The following RPS6KC1 variants were observed in gnomAD, a reference collection of about 807,000 sequenced individuals.
RPS6KC1 encodes ribosomal protein S6 kinase C1.
Under a neutral mutation model 103.8 loss-of-function variants are expected in RPS6KC1, and 54 were observed. That is an observed-to-expected ratio of 0.52 (90% confidence interval 0.42 to 0.65). The LOEUF is 0.65. RPS6KC1 is among the 30% of genes least tolerant of loss of function. RPS6KC1 has a pLI of 0.00. For synonymous variants in RPS6KC1, 439 were observed against 438.7 expected (o/e 1.00, Z -0.01); for missense variants, 1,151 against 1,253.8 (o/e 0.92, Z 1.24).
chr1:213,715,364 A>G, the RPS6KC1 span, among the ~76,000 whole-genome samples: 1 of 152,238 alleles, frequency 6.6e-6, no homozygotes, highest in Non-Finnish European at 1.5e-5. Context: ...GGGTAAGACC[A>G]TCTTTCTGTC....
At chr1:213,483,550 C>T in the RPS6KC1 span, among the ~76,000 whole-genome samples, 1 of 152,208 alleles carries the variant, frequency 6.6e-6, no homozygotes, top group Non-Finnish European at 1.5e-5. Context: ...TTGTAAGACA[C>T]TGCCAAACTT....
chr1:213,727,138 G>T, the RPS6KC1 span, among the ~76,000 whole-genome samples: 1 of 152,166 alleles, frequency 6.6e-6, no homozygotes, highest in Non-Finnish European at 1.5e-5. Context: ...ACTGCAAGGG[G>T]GCTGAGAATA....
chr1:213,688,588 A>C, the RPS6KC1 span, among the ~76,000 whole-genome samples: 1 of 152,198 alleles, frequency 6.6e-6, no homozygotes, highest in Non-Finnish European at 1.5e-5. Flanking sequence ...AATAAATAAA[A>C]GTTGCCTCAC....
chr1:213,537,870 A>G, the RPS6KC1 span, among the ~76,000 whole-genome samples: 1 of 152,192 alleles, frequency 6.6e-6, no homozygotes, highest in Admixed American at 6.5e-5. Context: ...CTTTGTATAT[A>G]TCTATTGGCT....
At chr1:213,424,741 T>C in the RPS6KC1 span, among the ~76,000 whole-genome samples, 1 of 152,262 alleles carries the variant, frequency 6.6e-6, no homozygotes, top group African/African-American at 2.4e-5. Flanking sequence ...AATGGTCTTT[T>C]ACCAAAATAA....
the RPS6KC1 span, among the ~76,000 whole-genome samples, chr1:213,491,112 G>C: frequency 1.3e-5 from 2 of 152,122 alleles, no homozygotes; most frequent in Non-Finnish European, 2.9e-5. Flanking sequence ...GGCACTGAGG[G>C]CAGTTGTTAA....
the RPS6KC1 span, among the ~76,000 whole-genome samples, chr1:213,811,297 C>G: frequency 6.6e-6 from 1 of 152,156 alleles, no homozygotes; most frequent in African/African-American, 2.4e-5. Context: ...CAGAATTGAA[C>G]GTGGCGGGGC....
the RPS6KC1 span, among the ~76,000 whole-genome samples, chr1:213,399,641 T>C: frequency 5.3e-5 from 8 of 152,158 alleles, no homozygotes; most frequent in South Asian, 1.7e-3. Context: ...AATGGGTGCA[T>C]GAAGCCGCCC....
chr1:213,127,494 C>T (rs1252443191), intron 5 of RPS6KC1, among the ~76,000 whole-genome samples: 1 of 152,174 alleles, frequency 6.6e-6, no homozygotes, highest in Non-Finnish European at 1.5e-5. Flanking sequence ...TGAGGAAAAG[C>T]ACTTATGCAG....
intron 1 of RPS6KC1, 95 bp from the exon 2 acceptor site, chr1:213,070,911 A>G: frequency 1.3e-6 from 1 of 777,382 alleles, no homozygotes; most frequent in Non-Finnish European, 2.0e-6. Context: ...AGCAAATTGA[A>G]TTTTTCATAC....
downstream of RPS6KC1, among the ~76,000 whole-genome samples, chr1:213,275,538 T>G (rs535183531): frequency 2.6e-5 from 4 of 152,332 alleles, no homozygotes; most frequent in Admixed American, 2.6e-4. Flanking sequence ...GAAATAATAC[T>G]ATTTGAGACA....
chr1:213,211,020 A>T (rs1184162086), intron 8 of RPS6KC1, among the ~76,000 whole-genome samples: 1 of 152,264 alleles, frequency 6.6e-6, no homozygotes, highest in Non-Finnish European at 1.5e-5. Context: ...CTAGCAGCGG[A>T]CAGAAAATAT....
chr1:213,533,679 C>G, the RPS6KC1 span, among the ~76,000 whole-genome samples: 2 of 152,168 alleles, frequency 1.3e-5, no homozygotes, highest in African/African-American at 2.4e-5. Context: ...CTCTTGTTTC[C>G]CTGAAACGTT....
intron 1 of RPS6KC1, among the ~76,000 whole-genome samples, chr1:213,055,542 C>T (rs1222545953): frequency 3.3e-5 from 5 of 152,104 alleles, no homozygotes; most frequent in African/African-American, 1.2e-4. Context: ...ATATACAAGT[C>T]TTTGTATGGA....
the RPS6KC1 span, among the ~76,000 whole-genome samples, chr1:213,684,401 G>A: frequency 6.6e-6 from 1 of 152,166 alleles, no homozygotes; most frequent in Non-Finnish European, 1.5e-5. Flanking sequence ...GAACGACTCT[G>A]TGTCTTCAGT....
the RPS6KC1 span, among the ~76,000 whole-genome samples, chr1:213,622,522 C>T: frequency 3.9e-5 from 6 of 152,118 alleles, no homozygotes; most frequent in African/African-American, 7.2e-5. Context: ...CTCCCTCCAT[C>T]CCTGCCCCTC....
the RPS6KC1 span, among the ~76,000 whole-genome samples, chr1:213,357,096 T>C: frequency 6.6e-6 from 1 of 151,900 alleles, no homozygotes; most frequent in Non-Finnish European, 1.5e-5. Context: ...CTACCATCTG[T>C]GCAGCACCTA....
chr1:213,481,092 T>TGTTTTGTA, the RPS6KC1 span, among the ~76,000 whole-genome samples: 1 of 152,208 alleles, frequency 6.6e-6, no homozygotes, highest in Non-Finnish European at 1.5e-5. Flanking sequence ...TTCTGTTACT[T>TGTTTTGTA]CTTGTTTGCA....
Position 213,274,488 on chromosome 1 carries a change from T to C in RPS6KC1, c.*1854T>C, listed in dbSNP as rs1323893959. 6.6e-6 allele frequency: 1 copy of C among 152,238 alleles called. No individual in the cohort carries two copies. The highest frequency in any genetic ancestry group is 6.5e-5 in the Admixed American group (1 of 15,288). The allele number at this position is 152,238 out of a possible 1,614,324, so 9.4% of individuals were successfully genotyped here. On this transcript the variant is annotated 3_prime_UTR_variant, in exon 15 of 15. Coordinates refer to ENST00000366960, the MANE Select transcript of RPS6KC1 (RefSeq NM_012424.6). ...TGTCAGTCTGTTGACACAATTCCAT[T>C]GCTTCAGTTTCTCCCCTTTTCTCTC...
Sources: allele counts gnomAD v4.1 joint callset (sites outside exome capture counted in the v4.1 genomes callset), GRCh38; gene constraint gnomAD v4.1.1; transcripts MANE v1.5; gene names NCBI Gene and HGNC (gene_info 2026-07-23, HGNC 2026-07-21).